Variants in DNAH17 observed in about 807,000 individuals in gnomAD.
The protein encoded by DNAH17 is dynein axonemal heavy chain 17, also known as axonemal beta dynein heavy chain 17.
In DNAH17, 376 loss-of-function variants were observed where a neutral mutation model predicts 485.6. That is an observed-to-expected ratio of 0.77 (90% CI 0.71 to 0.84). DNAH17 has a LOEUF of 0.84. DNAH17 is among the 40% of genes least tolerant of loss of function. The pLI, the probability that DNAH17 is intolerant of heterozygous loss-of-function variation, is 0.00. For synonymous variants in DNAH17, 3,031 were observed against 2,405.9 expected (o/e 1.26, Z -7.60); for missense variants, 6,370 against 5,839.3 (o/e 1.09, Z -2.96).
chr17:78,436,749 G>A (rs1044934720), intron 74 of DNAH17, among the ~76,000 whole-genome samples: 2 of 152,036 alleles, frequency 1.3e-5, no homozygotes, highest in Admixed American at 1.3e-4. Flanking sequence ...GGAGTCTGAG[G>A]CACAAGAATT....
At chr17:78,562,415 T>C (rs896586672) in intron 11 of DNAH17, among the ~76,000 whole-genome samples, 4 of 151,502 alleles carry the variant, frequency 2.6e-5, no homozygotes, top group Non-Finnish European at 5.9e-5. Flanking sequence ...AAAATCCTGT[T>C]TCTACAAAAA....
chr17:78,451,961 C>T (rs2087573332), intron 65 of DNAH17, among the ~76,000 whole-genome samples: 1 of 151,972 alleles, frequency 6.6e-6, no homozygotes, highest in Non-Finnish European at 1.5e-5. Context: ...GGAGCCCTGA[C>T]CGAAACCTTC....
Position 78,501,194 on chromosome 17 carries a change from G to A in DNAH17, c.5473C>T (p.Leu1825Phe). 6.3e-7 allele frequency: 1 copy of A among 1,584,318 alleles called. No homozygotes were observed. The highest frequency in any genetic ancestry group is 8.6e-7 in the Non-Finnish European group (1 of 1,157,804). ...AGGGACGGGCCTCACCTGTCAGTGAGTGGGGTGATGACCAGCCGCGGCGTG... is the reference window on the plus strand; with the variant it reads ...AGGGACGGGCCTCACCTGTCAGTGAATGGGGTGATGACCAGCCGCGGCGTG... ...GNTPRLVITP[L>F]TDRCYITLTQ... Residue 1825 changes from leucine (L) to phenylalanine (F), a missense_variant, in exon 35 of 81, where the codon CTC (leucine) becomes TTC (phenylalanine). Transcript: ENST00000389840.
intron 26 of DNAH17, 148 bp downstream of exon 26, chr17:78,514,626 G>C: frequency 9.1e-7 from 1 of 1,095,072 alleles, no homozygotes; most frequent in Non-Finnish European, 1.3e-6. Flanking sequence ...GACTGCGCAG[G>C]TCACTTGTGC....
At chr17:78,427,213 G>T (rs1233264912) in intron 77 of DNAH17, 105 bp from the exon 78 acceptor site, 1 of 1,144,942 alleles carries the variant, frequency 8.7e-7, no homozygotes, top group East Asian at 2.6e-5. Flanking sequence ...AAGTCCTGGA[G>T]AGGAGGGAAG....
intron 56 of DNAH17, among the ~76,000 whole-genome samples, chr17:78,464,822 A>G (rs1411265323): frequency 6.6e-6 from 1 of 152,232 alleles, no homozygotes; most frequent in Non-Finnish European, 1.5e-5. Flanking sequence ...CTGGCACAGG[A>G]TTGCAGGACA....
chr17:78,556,314 G>A (rs1214335551), intron 14 of DNAH17, among the ~76,000 whole-genome samples: 2 of 152,170 alleles, frequency 1.3e-5, no homozygotes, highest in Non-Finnish European at 2.9e-5. Context: ...AGCCCAGGAA[G>A]GTGCAGCCTC....
At position 78,525,048 on chromosome 17, in the gene DNAH17, C is replaced by A; in HGVS notation, c.3825G>T (p.Glu1275Asp). ...DYKQLKACHR[E>D]VRLLKELWDM... ...CCCAGAGCTCCTTCAGTAGGCGGAC[C>A]TCCCGGTGGCAGGCCTTGAGCTGCT... The change falls in exon 25 of 81, where the codon GAG (glutamate) becomes GAT (aspartate). Residue 1275 changes from glutamate (E) to aspartate (D), a missense_variant. Glu to Asp is a conservative substitution (Grantham distance 45, BLOSUM62 2). Transcript: ENST00000389840. The A allele has an allele frequency of 6.2e-7, 1 of 1,613,810 alleles. No individual in the cohort carries two copies.
chr17:78,569,547 G>A lies in DNAH17; in HGVS notation c.1045-20C>T, dbSNP rs765540294. 2 of 1,593,092 alleles carry A rather than the reference G, an allele frequency of 1.3e-6. No homozygotes were observed. On this transcript the variant is annotated intron_variant, in intron 7 of 80. Coordinates refer to ENST00000389840, the MANE Select transcript of DNAH17 (RefSeq NM_173628.4). ...TCGTGTCTGGGCAAAAGAGAAGACA[G>A]ACATCTAAAGCTCCGACAAGCCATT...
At chr17:78,490,408 A>C (rs2089796246) in intron 44 of DNAH17, among the ~76,000 whole-genome samples, 1 of 152,182 alleles carries the variant, frequency 6.6e-6, no homozygotes, top group Non-Finnish European at 1.5e-5. Flanking sequence ...TCACCTGGGA[A>C]GACTTCCCAC....
intron 76 of DNAH17, among the ~76,000 whole-genome samples, 152 bp from the exon 77 acceptor site, chr17:78,428,859 C>G (rs567479823): frequency 6.6e-6 from 1 of 151,214 alleles, no homozygotes; most frequent in East Asian, 1.9e-4. Flanking sequence ...TGGGCTGCCC[C>G]CTGTGCTCCC....
chr17:78,486,567 C>G (rs754603896), intron 44 of DNAH17, 61 bp from the exon 45 acceptor site: 6 of 1,525,306 alleles, frequency 3.9e-6, no homozygotes, highest in Non-Finnish European at 5.3e-6. Context: ...AGTGTCCCTG[C>G]CTTGGTAAAC....
intron 49 of DNAH17, among the ~76,000 whole-genome samples, chr17:78,479,985 A>C (rs2089275974): frequency 6.8e-6 from 1 of 148,060 alleles, no homozygotes. Context: ...TGCCCTGCTA[A>C]ATCTGAATTT....
intron 62 of DNAH17, among the ~76,000 whole-genome samples, chr17:78,457,216 C>CAA (rs910301326): frequency 1.1e-4 from 16 of 152,272 alleles, no homozygotes; most frequent in African/African-American, 2.6e-4. Context: ...ACTAAAAATA[C>CAA]AAAAATTAGC....
intron 65 of DNAH17, among the ~76,000 whole-genome samples, chr17:78,451,997 TACA>T (rs2087574459): frequency 6.6e-6 from 1 of 152,060 alleles, no homozygotes; most frequent in South Asian, 2.1e-4. Flanking sequence ...CAGACTCATT[TACA>T]ACATTCGTCC....
At chr17:78,565,195 C>T (rs2092242563) in intron 11 of DNAH17, among the ~76,000 whole-genome samples, 1 of 152,204 alleles carries the variant, frequency 6.6e-6, no homozygotes, top group Non-Finnish European at 1.5e-5. Context: ...GCTCTCCCTA[C>T]ACCTGTATCT....
chr17:78,575,008 G>C lies in DNAH17; in HGVS notation c.50C>G (p.Ser17Cys). 6.2e-7 allele frequency: 1 copy of C among 1,613,960 alleles called. No individual in the cohort carries two copies. The highest frequency in any genetic ancestry group is 8.5e-7 in the Non-Finnish European group (1 of 1,179,882). Reference sequence around the variant, plus strand: ...GTCCGGCTTGAACTTCAGGACGATGGAGGCAACTTCCTCCAGATACTCTAG... The same window carrying C: ...GTCCGGCTTGAACTTCAGGACGATGCAGGCAACTTCCTCCAGATACTCTAG... ...VRLEYLEEVASIVLKFKPDKW... is the reference protein window; with the variant it reads ...VRLEYLEEVACIVLKFKPDKW... The change falls in exon 2 of 81, where the codon TCC (serine) becomes TGC (cysteine). Residue 17 changes from serine (S) to cysteine (C), a missense_variant. Coordinates refer to ENST00000389840, the MANE Select transcript of DNAH17 (RefSeq NM_173628.4).
At chr17:78,571,097 G>T (rs992341328) in intron 5 of DNAH17, 64 bp from the exon 6 acceptor site, 3 of 1,461,346 alleles carry the variant, frequency 2.1e-6, no homozygotes, top group Non-Finnish European at 1.9e-6. Flanking sequence ...AACGATGAGG[G>T]TGCGGCTCCA....
rs2091408587 is a variant in DNAH17 at position 78,537,447 on chromosome 17, T to G, written c.2711A>C (p.Glu904Ala). 2 of 1,613,148 alleles carry G rather than the reference T, an allele frequency of 1.2e-6. No individual in the cohort carries two copies. The highest frequency in any genetic ancestry group is 1.1e-5 in the South Asian group (1 of 91,034). ...SIAPLFEIRMELDEDGLTFNP... is the reference protein window; with the variant it reads ...SIAPLFEIRMALDEDGLTFNP... ...GAAGGTCAGCCCATCCTCGTCCAGCTCCATGCGGATCTCAAACAGGGGAGC... is the reference window on the plus strand; with the variant it reads ...GAAGGTCAGCCCATCCTCGTCCAGCGCCATGCGGATCTCAAACAGGGGAGC... The change falls in exon 19 of 81, where the codon GAG becomes GCG. Residue 904 changes from glutamate to alanine, a missense_variant. By Grantham distance (107) the Glu-to-Ala change is moderately radical. Coordinates refer to ENST00000389840, the MANE Select transcript of DNAH17 (RefSeq NM_173628.4).
Sources: allele counts gnomAD v4.1 joint callset (sites outside exome capture counted in the v4.1 genomes callset), GRCh38; gene constraint gnomAD v4.1.1; transcripts MANE v1.5; gene names NCBI Gene and HGNC (gene_info 2026-07-23, HGNC 2026-07-21).